Variants in HIPK1 observed in about 807,000 individuals in gnomAD.
The protein encoded by HIPK1 is homeodomain interacting protein kinase 1, also known as homeodomain-interacting protein kinase 1.
HIPK1 carries 28 observed loss-of-function variants against 117.1 expected under a neutral mutation model. That is an observed-to-expected ratio of 0.24 (90% CI 0.18 to 0.33). HIPK1 has a LOEUF of 0.33. Among genes scored for constraint, HIPK1 ranks in the 10% least tolerant of loss-of-function variants. HIPK1 has a pLI of 1.00. For missense variants in HIPK1, 1,122 were observed against 1,475.1 expected, an observed-to-expected ratio of 0.76 and a Z score of 3.92; for synonymous variants, 605 against 562.5, an observed-to-expected ratio of 1.08 and a Z score of -1.07.
chr1:113,970,713 G>A (rs1359349257), intron 14 of HIPK1, among the ~76,000 whole-genome samples: 1 of 152,120 alleles, frequency 6.6e-6, no homozygotes, highest in African/African-American at 2.4e-5. Context: ...TAAGCTCCCT[G>A]GTTTAGTTAT....
chr1:113,964,938 T>C (rs1672351453), intron 10 of HIPK1, among the ~76,000 whole-genome samples: 1 of 152,268 alleles, frequency 6.6e-6, no homozygotes, highest in African/African-American at 2.4e-5. Context: ...TGGAATGTTA[T>C]TTCTTGCTTT....
chr1:113,948,474 C>CA (rs2101244089), intron 2 of HIPK1, among the ~76,000 whole-genome samples: 1 of 151,576 alleles, frequency 6.6e-6, no homozygotes, highest in Admixed American at 6.6e-5. Context: ...AGGCTGGTCT[C>CA]AAACTCCTGC....
chr1:113,969,389 A>G (rs1672673908), intron 13 of HIPK1, among the ~76,000 whole-genome samples: 1 of 152,254 alleles, frequency 6.6e-6, no homozygotes, highest in South Asian at 2.1e-4. Flanking sequence ...CAAGTTCCTC[A>G]TCTCCCTATT....
chr1:113,947,346 T>C (rs1229698162), intron 2 of HIPK1, among the ~76,000 whole-genome samples: 1 of 152,202 alleles, frequency 6.6e-6, no homozygotes, highest in Non-Finnish European at 1.5e-5. Context: ...CCAGCCTTTA[T>C]TTCAAGCTGA....
At chr1:113,938,347 C>T (rs1421878657) in intron 1 of HIPK1, among the ~76,000 whole-genome samples, 1 of 151,586 alleles carries the variant, frequency 6.6e-6, no homozygotes, top group Non-Finnish European at 1.5e-5. Flanking sequence ...TCAAGTGATC[C>T]TCCTGCCTGG....
At chr1:113,947,787 C>T (rs1671083847) in intron 2 of HIPK1, among the ~76,000 whole-genome samples, 1 of 152,192 alleles carries the variant, frequency 6.6e-6, no homozygotes, top group Non-Finnish European at 1.5e-5. Flanking sequence ...GATGTGTCTT[C>T]AAAGAGGAGA....
Position 113,956,683 on chromosome 1 carries a change from A to G in HIPK1, c.1464A>G (p.Arg488=). The G allele has an allele frequency of 6.2e-7, 1 of 1,614,110 alleles. No individual in the cohort carries two copies. The highest frequency in any genetic ancestry group is 8.5e-7 in the Non-Finnish European group (1 of 1,179,956). Residue 488 remains arginine, a synonymous_variant, in exon 6 of 16, where the codon CGA becomes CGG. Transcript: ENST00000426820. The stretch of plus-strand genomic sequence containing the variant: ...ACATGTTGGCAGAGAAGGCAGACCG[A>G]AGAGAATACATTGATCTGTTAAAGA... ...GTDMLAEKAD[R]REYIDLLKKM...
At chr1:113,937,173 T>G (rs1447529641) in intron 1 of HIPK1, among the ~76,000 whole-genome samples, 1 of 152,208 alleles carries the variant, frequency 6.6e-6, no homozygotes, top group Admixed American at 6.5e-5. Flanking sequence ...TCTTCAAAGT[T>G]TATATAAATT....
chr1:113,941,261 G>C lies in HIPK1; in HGVS notation c.878G>C (p.Arg293Thr). The stretch of plus-strand genomic sequence containing the variant: ...AGCCCACTGCCACTCAAGTACATCA[G>C]ACCAATCTTGCAGCAGGTGGCCACA... ...KFSPLPLKYI[R>T]PILQQVATAL... Residue 293 changes from arginine to threonine, a missense_variant, in exon 2 of 16, where the codon AGA (arginine) becomes ACA (threonine). Arg to Thr is a moderately conservative substitution (Grantham distance 71). Around this residue, in one of 6 missense-constraint regions of HIPK1, gnomAD observed 62 missense variants for 121.5 expected, o/e 0.51. Transcript: ENST00000426820. This position sits in a 1 kb window ranked among gnomAD's most constrained non-coding sequence, Gnocchi z 4.9. 6.2e-7 allele frequency: 1 copy of C among 1,614,208 alleles called. No homozygotes were observed. The highest frequency in any genetic ancestry group is 8.5e-7 in the Non-Finnish European group (1 of 1,180,034).
intron 10 of HIPK1, among the ~76,000 whole-genome samples, chr1:113,964,615 G>C (rs1345611614): frequency 6.6e-6 from 1 of 152,220 alleles, no homozygotes; most frequent in Non-Finnish European, 1.5e-5. Context: ...ATTCATGTGA[G>C]TGAAAACACT....
At chr1:113,934,804 A>T (rs1351959751) in intron 1 of HIPK1, among the ~76,000 whole-genome samples, 1 of 149,408 alleles carries the variant, frequency 6.7e-6, no homozygotes, top group African/African-American at 2.4e-5. Context: ...AAAAAAAAAA[A>T]AAAAAATTAG....
At position 113,940,834 on chromosome 1, in the gene HIPK1, A is replaced by G; in HGVS notation, c.451A>G (p.Thr151Ala). The G allele has an allele frequency of 6.2e-7, 1 of 1,614,134 alleles. No individual in the cohort carries two copies. Among genetic ancestry groups the G allele is most frequent in the Non-Finnish European group, 8.5e-7 (1 of 1,180,028 alleles). Residue 151 changes from threonine (T) to alanine (A), a missense_variant, in exon 2 of 16, where the codon ACT (threonine) becomes GCT (alanine). Physicochemically the swap from Thr to Ala is moderately conservative, Grantham distance 58. Transcript: ENST00000426820. ...TCCCCCTCTCATGCTGCAAAACAGGACTGTGGTGGGTGCTGCTGCCACAAC... is the reference window on the plus strand; with the variant it reads ...TCCCCCTCTCATGCTGCAAAACAGGGCTGTGGTGGGTGCTGCTGCCACAAC... Reference protein sequence around the residue: ...EHPPLMLQNRTVVGAAATTTT... With the variant: ...EHPPLMLQNRAVVGAAATTTT...
rs1670637019 is a variant in HIPK1 at position 113,941,534 on chromosome 1, A to G, written c.1076+75A>G. 3.7e-6 allele frequency: 4 copies of G among 1,093,638 alleles called. No homozygotes were observed. The highest frequency in any genetic ancestry group is 4.0e-6 in the Non-Finnish European group (3 of 753,156). The allele number at this position is 1,093,638 out of a possible 1,614,324, so 67.7% of individuals were successfully genotyped here. A position where few individuals can be genotyped will look rare whatever the true frequency, so the allele number is the denominator to read the frequency against. Reference sequence around the variant, plus strand: ...ATATTTAACATATACCCCGTAGGCTACATATAGCAATGAATTTGTTTATAG... The same window carrying G: ...ATATTTAACATATACCCCGTAGGCTGCATATAGCAATGAATTTGTTTATAG... On this transcript the variant is annotated intron_variant, in intron 2 of 15. Coordinates refer to ENST00000426820, the MANE Select transcript of HIPK1 (RefSeq NM_198268.3). The surrounding 1 kb of genome is among the most constrained non-coding windows in gnomAD (Gnocchi z 4.9).
chr1:113,962,538 T>G, intron 9 of HIPK1, 100 bp downstream of exon 9: 1 of 1,197,308 alleles, frequency 8.4e-7, no homozygotes, highest in Non-Finnish European at 1.1e-6. Context: ...TATAAGATCT[T>G]TCTTGGTCAT....
chr1:113,960,509 G>A (rs900573195), intron 8 of HIPK1, among the ~76,000 whole-genome samples: 2 of 152,036 alleles, frequency 1.3e-5, no homozygotes, highest in South Asian at 2.1e-4. Flanking sequence ...GTCACCTTTC[G>A]CTTTATCACC....
intron 5 of HIPK1, 148 bp downstream of exon 5, chr1:113,955,797 A>G (rs1671678575): frequency 1.9e-6 from 1 of 516,856 alleles, no homozygotes; most frequent in African/African-American, 2.0e-5. Flanking sequence ...CCATGTAGTA[A>G]AGGAACATTT....
intron 15 of HIPK1, among the ~76,000 whole-genome samples, chr1:113,972,493 A>G (rs184298140): frequency 1.3e-5 from 2 of 152,276 alleles, no homozygotes; most frequent in Non-Finnish European, 2.9e-5. Context: ...TCACTCTTAG[A>G]AGCTAAAATT....
At chr1:113,939,158 T>C (rs982126357) in intron 1 of HIPK1, among the ~76,000 whole-genome samples, 1 of 151,878 alleles carries the variant, frequency 6.6e-6, no homozygotes, top group Admixed American at 6.6e-5. Flanking sequence ...ATCCCTAATT[T>C]TTTTTCTTTT....
At position 113,972,210 on chromosome 1, in the gene HIPK1, G is replaced by A. The variant is rs1571737014; in HGVS notation, c.3144+256G>A. On this transcript the variant is annotated intron_variant, in intron 15 of 15. Transcript: ENST00000426820. ...CCCTGGAAGGTTAGAGAAACGTCTG[G>A]GATTTAGAAAGAGCCTGGGGTGCTT... The A allele has an allele frequency of 6.2e-5, 63 of 1,017,892 alleles. 2 individuals are homozygous for A. In the South Asian group the frequency reaches 1.1e-3, roughly 18 times the overall value. 63.1% of individuals were successfully genotyped at this position (1,017,892 alleles called of 1,614,324 possible).
Sources: allele counts gnomAD v4.1 joint callset (sites outside exome capture counted in the v4.1 genomes callset), GRCh38; gene constraint gnomAD v4.1.1; regional missense constraint gnomAD v4.1.1; non-coding constraint Gnocchi (gnomAD v3.1); transcripts MANE v1.5; gene names NCBI Gene and HGNC (gene_info 2026-07-23, HGNC 2026-07-21).